The following LAMA3 variants were observed in gnomAD, a reference collection of about 807,000 sequenced individuals.
The protein encoded by LAMA3 is laminin subunit alpha 3.
In LAMA3, 281 loss-of-function variants were observed where a neutral mutation model predicts 402.0. The observed-to-expected ratio is 0.70, with a 90% CI of 0.63 to 0.77. LAMA3 has a LOEUF of 0.77. Among genes scored for constraint, LAMA3 ranks in the 30% least tolerant of loss-of-function variants. The pLI, the probability that LAMA3 is intolerant of heterozygous loss-of-function variation, is 0.00. For synonymous variants in LAMA3, 1,431 were observed against 1,558.4 expected (o/e 0.92, Z 1.93); for missense variants, 3,840 against 4,215.5 (o/e 0.91, Z 2.47).
Position 23,857,749 on chromosome 18 carries a change from C to A in LAMA3, c.4137-95C>A, listed in dbSNP as rs139727090. On this transcript the variant is annotated intron_variant, in intron 32 of 74. Coordinates refer to ENST00000313654, the MANE Select transcript of LAMA3 (RefSeq NM_198129.4). ...GCAGGCATTGTATCTATTTAACTGGCTTTGCACACCAATTAGTCCACTATA... is the reference window on the plus strand; with the variant it reads ...GCAGGCATTGTATCTATTTAACTGGATTTGCACACCAATTAGTCCACTATA... 253 of 1,509,340 alleles carry A rather than the reference C, an allele frequency of 1.7e-4. 1 individual carries two copies. The East Asian group carries it at 2.7e-3, about 16-fold the overall frequency. The allele number at this position is 1,509,340 out of a possible 1,614,324, so 93.5% of individuals were successfully genotyped here.
chr18:23,883,778 C>A (rs950869660), intron 40 of LAMA3, among the ~76,000 whole-genome samples: 1 of 152,206 alleles, frequency 6.6e-6, no homozygotes, highest in South Asian at 2.1e-4. Flanking sequence ...AAAAGTTTTT[C>A]ATTTTCATTT....
intron 32 of LAMA3, 121 bp downstream of exon 32, chr18:23,847,789 G>C: frequency 1.0e-6 from 1 of 974,820 alleles, no homozygotes; most frequent in South Asian, 1.4e-5. Flanking sequence ...TGTTGACCTC[G>C]GCATGAGCTT....
At chr18:23,696,228 G>C (rs1038035073) in intron 1 of LAMA3, among the ~76,000 whole-genome samples, 1 of 152,098 alleles carries the variant, frequency 6.6e-6, no homozygotes, top group Non-Finnish European at 1.5e-5. Flanking sequence ...ATGTTTCCAG[G>C]CTGCTTTCCT....
intron 68 of LAMA3, among the ~76,000 whole-genome samples, chr18:23,942,042 A>C (rs1214471170): frequency 6.6e-6 from 1 of 152,234 alleles, no homozygotes; most frequent in Non-Finnish European, 1.5e-5. Context: ...GCCCTCAAGG[A>C]AACTTGCTAA....
chr18:23,865,247 G>T (rs2064326995), intron 36 of LAMA3, among the ~76,000 whole-genome samples: 2 of 152,092 alleles, frequency 1.3e-5, no homozygotes, highest in South Asian at 4.2e-4. Context: ...TCCTGCCTTG[G>T]CCTCCCCAAG....
intron 38 of LAMA3, among the ~76,000 whole-genome samples, chr18:23,873,581 G>A (rs531228378): frequency 2.0e-5 from 3 of 152,174 alleles, no homozygotes; most frequent in Non-Finnish European, 4.4e-5. Context: ...TTACCCACGG[G>A]GGGGAGAAAA....
intron 18 of LAMA3, 31 bp from the exon 19 acceptor site, chr18:23,819,810 C>T: frequency 6.2e-7 from 1 of 1,603,576 alleles, no homozygotes; most frequent in South Asian, 1.1e-5. Context: ...GACCTAACCT[C>T]CTGTATGTGT....
At chr18:23,819,118 A>G (rs1460613675) in intron 18 of LAMA3, among the ~76,000 whole-genome samples, 1 of 150,984 alleles carries the variant, frequency 6.6e-6, no homozygotes, top group African/African-American at 2.4e-5. Context: ...AAACAAATTC[A>G]TCTTTATGGC....
intron 6 of LAMA3, among the ~76,000 whole-genome samples, chr18:23,756,869 C>T (rs533285433): frequency 6.6e-6 from 1 of 152,044 alleles, no homozygotes; most frequent in South Asian, 2.1e-4. Context: ...CCATGTGCTC[C>T]CAGTGGTGGT....
chr18:23,950,860 C>T (rs1208021838), intron 72 of LAMA3, among the ~76,000 whole-genome samples: 1 of 152,170 alleles, frequency 6.6e-6, no homozygotes, highest in Non-Finnish European at 1.5e-5. Context: ...TAACTATCCA[C>T]TTGCAAGGTG....
Position 23,901,280 on chromosome 18 carries a change from A to T in LAMA3, c.6158A>T (p.Asn2053Ile), listed in dbSNP as rs141145607. The T allele has an allele frequency of 3.7e-6, 6 of 1,614,192 alleles. No individual in the cohort carries two copies. Among genetic ancestry groups the T allele is most frequent in the Middle Eastern group, 1.7e-4 (1 of 6,056 alleles). The stretch of plus-strand genomic sequence containing the variant: ...GCAGCTGCCCAAGCCAAGCAGGCAA[A>T]TGGCTTGAACCAAGAAAACGAGAGA... ...QEAAAQAKQA[N>I]GLNQENERAL... Residue 2053 changes from asparagine (N) to isoleucine (I), a missense_variant, in exon 48 of 75, where the codon AAT becomes ATT. Transcript: ENST00000313654.
At chr18:23,927,604 T>C (rs1305177898) in intron 62 of LAMA3, among the ~76,000 whole-genome samples, 1 of 152,192 alleles carries the variant, frequency 6.6e-6, no homozygotes, top group Admixed American at 6.5e-5. Context: ...TTTTTCATAA[T>C]TGAATAGAAC....
At chr18:23,936,509 G>A (rs1317741311) in intron 67 of LAMA3, among the ~76,000 whole-genome samples, 1 of 151,554 alleles carries the variant, frequency 6.6e-6, no homozygotes, top group Admixed American at 6.6e-5. Context: ...AGCTCAGTGG[G>A]GATCTCCATC....
chr18:23,756,760 A>C (rs2061852162), intron 6 of LAMA3, among the ~76,000 whole-genome samples: 1 of 152,168 alleles, frequency 6.6e-6, no homozygotes, highest in Non-Finnish European at 1.5e-5. Flanking sequence ...CTACCAGCAC[A>C]CTTCACCTGA....
At chr18:23,911,458 G>A (rs1848827061) in intron 55 of LAMA3, among the ~76,000 whole-genome samples, 1 of 152,128 alleles carries the variant, frequency 6.6e-6, no homozygotes, top group South Asian at 2.1e-4. Context: ...ATGTTTGGAA[G>A]CTTTGAACAA....
At chr18:23,723,852 C>T (rs1449887274) in intron 2 of LAMA3, among the ~76,000 whole-genome samples, 3 of 152,012 alleles carry the variant, frequency 2.0e-5, no homozygotes, top group African/African-American at 7.2e-5. Flanking sequence ...GAACTAAATC[C>T]ATGTTACCTA....
In LAMA3 at chr18:23,850,208, GA is replaced by G. The variant is rs373919884; in HGVS notation, c.4136+2545del. On this transcript the variant is annotated intron_variant, in intron 32 of 74. Coordinates refer to ENST00000313654, the MANE Select transcript of LAMA3 (RefSeq NM_198129.4). ...ACAAATCATCACAAACTGCAAAGCT[GA>G]AAAATTGCAATTCTCAAATTGTATT... is the stretch of plus-strand genomic sequence containing the variant. Among the ~76,000 whole-genome samples, 127 of 152,286 alleles carry G rather than the reference GA, an allele frequency of 8.3e-4. 4 individuals are homozygous for G. The South Asian group carries it at 0.025, about 30-fold the overall frequency.
chr18:23,847,226 C>T (rs1457127205), intron 31 of LAMA3, among the ~76,000 whole-genome samples: 2 of 152,194 alleles, frequency 1.3e-5, no homozygotes, highest in South Asian at 2.1e-4. Context: ...ACAGTGGCAG[C>T]GAGGTGGGCT....
rs778432739 is a variant in LAMA3 at position 23,949,810 on chromosome 18, C to T, written c.9397C>T (p.Leu3133=). The part of the protein sequence containing the change: ...SFVGCLKNFQ[L]DSKPLYTPSS... ...TGTGGGATGCCTGAAGAACTTTCAG[C>T]TGGATTCAAAACCCTTGTATACCCC... The change falls in exon 71 of 75, where the codon CTG becomes TTG. Residue 3133 remains leucine, a synonymous_variant. Coordinates refer to ENST00000313654, the MANE Select transcript of LAMA3 (RefSeq NM_198129.4). 2.5e-6 allele frequency: 4 copies of T among 1,613,936 alleles called. No individual in the cohort carries two copies. The highest frequency in any genetic ancestry group is 1.7e-5 in the Admixed American group (1 of 59,990).
Sources: allele counts gnomAD v4.1 joint callset (sites outside exome capture counted in the v4.1 genomes callset), GRCh38; gene constraint gnomAD v4.1.1; transcripts MANE v1.5; gene names NCBI Gene and HGNC (gene_info 2026-07-23, HGNC 2026-07-21).